WWOX: variants seen among roughly 807,000 people sequenced by gnomAD.
The protein encoded by WWOX is WW domain containing oxidoreductase.
A neutral mutation model predicts 46.2 loss-of-function variants in WWOX; 69 were observed. That is an observed-to-expected ratio of 1.49 (90% confidence interval 1.23 to 1.82). The LOEUF (loss-of-function observed/expected upper bound fraction) is 1.82, where lower values mean the gene tolerates loss of function less well. Ranked by LOEUF, WWOX falls within the 40% of genes most tolerant of loss-of-function variation. WWOX has a pLI of 0.00. For missense variants in WWOX, 919 were observed against 542.6 expected (o/e 1.69, Z -6.89); for synonymous variants, 359 against 202.6 (o/e 1.77, Z -6.56).
chr16:78,794,585 C>A (rs1314851126), intron 8 of WWOX, among the ~76,000 whole-genome samples: 1 of 152,190 alleles, frequency 6.6e-6, no homozygotes, highest in Non-Finnish European at 1.5e-5. Context: ...CTTAGTGTTG[C>A]TGTGAGAATT....
At chr16:78,852,297 G>C (rs2052463341) in intron 8 of WWOX, among the ~76,000 whole-genome samples, 1 of 152,180 alleles carries the variant, frequency 6.6e-6, no homozygotes, top group Non-Finnish European at 1.5e-5. Flanking sequence ...GTAACCTACA[G>C]GGGGAAGTGA....
At chr16:79,196,870 G>A (rs536928001) in intron 8 of WWOX, among the ~76,000 whole-genome samples, 1 of 152,274 alleles carries the variant, frequency 6.6e-6, no homozygotes, top group African/African-American at 2.4e-5. Flanking sequence ...TGGCAGATCT[G>A]GATCTGAATC....
intron 8 of WWOX, among the ~76,000 whole-genome samples, chr16:78,484,070 C>T (rs752391930): frequency 5.3e-4 from 81 of 152,112 alleles, no homozygotes; most frequent in Non-Finnish European, 1.1e-3. Context: ...ATGAAATGAA[C>T]CCACTTTATC....
chr16:78,865,438 C>T (rs1020757232), intron 8 of WWOX, among the ~76,000 whole-genome samples: 4 of 152,190 alleles, frequency 2.6e-5, no homozygotes, highest in Admixed American at 6.5e-5. Flanking sequence ...CACATCATGG[C>T]TCCTTCTCTT....
intron 8 of WWOX, among the ~76,000 whole-genome samples, chr16:78,929,747 A>G (rs765639041): frequency 3.5e-4 from 54 of 152,146 alleles, no homozygotes; most frequent in African/African-American, 1.1e-3. Flanking sequence ...AAATGGAAAG[A>G]TGAGGTTGCA....
chr16:78,370,793 G>T (rs1488400250), intron 5 of WWOX, among the ~76,000 whole-genome samples: 41 of 147,248 alleles, frequency 2.8e-4, no homozygotes, highest in Admixed American at 1.8e-3. Flanking sequence ...TTTTTTGGGG[G>T]GGGGGGGGCA....
chr16:78,460,730 C>G (rs2083928870), intron 8 of WWOX, among the ~76,000 whole-genome samples: 1 of 152,160 alleles, frequency 6.6e-6, no homozygotes, highest in Non-Finnish European at 1.5e-5. Context: ...ACATTCGATC[C>G]ACGTGGCATA....
intron 8 of WWOX, among the ~76,000 whole-genome samples, chr16:79,108,573 C>G (rs2049354757): frequency 6.6e-6 from 1 of 152,172 alleles, no homozygotes; most frequent in Non-Finnish European, 1.5e-5. Context: ...GGGTGATTGG[C>G]TATTTTCATC....
intron 8 of WWOX, among the ~76,000 whole-genome samples, chr16:79,075,080 T>A (rs2048629629): frequency 6.6e-6 from 1 of 152,172 alleles, no homozygotes; most frequent in Admixed American, 6.5e-5. Flanking sequence ...GTTATTACTT[T>A]GTTTGGAATT....
At chr16:78,278,723 C>T in intron 5 of WWOX, 1 of 1,467,776 alleles carries the variant, frequency 6.8e-7, no homozygotes, top group Non-Finnish European at 9.4e-7. Context: ...GTGGGTATTT[C>T]CTGGTCTTTT....
chr16:78,298,744 TCG>T (rs2079986266), intron 5 of WWOX, among the ~76,000 whole-genome samples: 1 of 149,752 alleles, frequency 6.7e-6, no homozygotes, highest in Admixed American at 6.7e-5. Context: ...TGAGCCAAGA[TCG>T]CACCATTGCA....
chr16:78,774,367 C>G (rs867448683), intron 8 of WWOX, among the ~76,000 whole-genome samples: 16 of 152,140 alleles, frequency 1.1e-4, no homozygotes, highest in Admixed American at 5.9e-4. Context: ...CGCCACTGCA[C>G]TCCAGTCTGG....
chr16:79,055,608 C>A (rs1478818847), intron 8 of WWOX, among the ~76,000 whole-genome samples: 2 of 152,142 alleles, frequency 1.3e-5, no homozygotes. Context: ...ACTGAAGATT[C>A]ATGGGCAGAA....
chr16:78,603,305 C>G lies in WWOX; in HGVS notation c.1056+170553C>G, dbSNP rs529967142. On this transcript the variant is annotated intron_variant, in intron 8 of 8. Transcript: ENST00000566780. The stretch of plus-strand genomic sequence containing the variant: ...AGCCAGAAGGTCCCTTTGGGCCTGT[C>G]CTCTCACCAGCATCAACTGCACCAA... 1.1e-3 allele frequency among the ~76,000 whole-genome samples: 162 copies of G among 152,296 alleles called. 1 individual carries two copies. Among genetic ancestry groups the G allele is most frequent in the Non-Finnish European group, 2.0e-3 (136 of 68,024 alleles).
At chr16:78,188,780 C>T (rs964300918) in intron 5 of WWOX, among the ~76,000 whole-genome samples, 1 of 152,104 alleles carries the variant, frequency 6.6e-6, no homozygotes, top group Non-Finnish European at 1.5e-5. Context: ...GGAGAAATGA[C>T]AGGCCTTTTG....
chr16:78,770,722 A>G (rs1436968459), intron 8 of WWOX, among the ~76,000 whole-genome samples: 3 of 146,316 alleles, frequency 2.1e-5, no homozygotes. Flanking sequence ...TTCGCACCAG[A>G]ACCCGTCTGC....
At chr16:79,210,015 A>T (rs754817836) in intron 8 of WWOX, among the ~76,000 whole-genome samples, 6 of 152,190 alleles carry the variant, frequency 3.9e-5, no homozygotes, top group African/African-American at 9.7e-5. Context: ...GAGGTAACAA[A>T]CCAGCTACTA....
rs76972126 is a variant in WWOX at position 78,695,348 on chromosome 16, T to C, written c.1056+262596T>C. On this transcript the variant is annotated intron_variant, in intron 8 of 8. Coordinates refer to ENST00000566780, the MANE Select transcript of WWOX (RefSeq NM_016373.4). Reference sequence around the variant, plus strand: ...CAATTTGAATCCTCCCATATGTCCCTCCCTCATTTTTTAAGCAGGAAACAA... The same window carrying C: ...CAATTTGAATCCTCCCATATGTCCCCCCCTCATTTTTTAAGCAGGAAACAA... 9.8e-3 allele frequency among the ~76,000 whole-genome samples: 1,489 copies of C among 152,148 alleles called. 24 individuals carry two copies. The highest frequency in any genetic ancestry group is 0.034 in the African/African-American group (1,429 of 41,496).
chr16:78,399,462 G>A (rs1017702227), intron 6 of WWOX, among the ~76,000 whole-genome samples: 4 of 152,130 alleles, frequency 2.6e-5, no homozygotes, highest in African/African-American at 7.2e-5. Flanking sequence ...AAGAGTAAGG[G>A]CTTCCCTGGA....
Sources: gnomAD v4.1 joint callset for allele counts (sites outside exome capture counted in the v4.1 genomes callset) on GRCh38, gnomAD v4.1.1 for gene constraint, MANE v1.5 for transcripts, NCBI Gene and HGNC (gene_info 2026-07-23, HGNC 2026-07-21) for gene names.